PGD: variants seen among roughly 807,000 people sequenced by gnomAD.
The protein encoded by PGD is phosphogluconate dehydrogenase.
A neutral mutation model predicts 60.4 loss-of-function variants in PGD; 21 were observed. The ratio of observed to expected loss-of-function variants is 0.35; its 90% confidence interval spans 0.25 to 0.50. The LOEUF (loss-of-function observed/expected upper bound fraction) is 0.50. Among genes scored for constraint, PGD ranks in the 20% least tolerant of loss-of-function variants. The pLI, the probability that PGD is intolerant of heterozygous loss-of-function variation, is 0.98. For missense variants in PGD, 477 were observed against 613.1 expected (o/e 0.78, Z 2.34); for synonymous variants, 230 against 235.9 (o/e 0.97, Z 0.23).
At chr1:10,417,542 A>G (rs769434088) in intron 10 of PGD, 33 bp downstream of exon 10, 4 of 1,588,500 alleles carry the variant, frequency 2.5e-6, no homozygotes, top group Non-Finnish European at 3.4e-6. Context: ...TCCGACGGGA[A>G]GGACTCACAC....
At position 10,419,654 on chromosome 1, in the gene PGD, C is replaced by T. The variant is rs200600008; in HGVS notation, c.1357C>T (p.His453Tyr). 5 of 1,614,220 alleles carry T rather than the reference C, an allele frequency of 3.1e-6. No individual in the cohort carries two copies. The highest frequency in any genetic ancestry group is 4.2e-6 in the Non-Finnish European group (5 of 1,180,040). The change falls in exon 13 of 13, where the codon CAC (histidine) becomes TAC (tyrosine). Residue 453 changes from histidine (H) to tyrosine (Y), a missense_variant. Transcript: ENST00000270776. ...IQAQRDYFGA[H>Y]TYELLAKPGQ... ...GGCTCAGCGGGATTACTTCGGGGCT[C>T]ACACCTATGAACTCTTGGCCAAACC...
intron 5 of PGD, 121 bp from the exon 6 acceptor site, chr1:10,407,950 A>T: frequency 3.3e-6 from 1 of 305,268 alleles, no homozygotes; most frequent in Non-Finnish European, 6.3e-6. Flanking sequence ...CCCTGTCTCA[A>T]AAAAAAAAAA....
At chr1:10,418,577 C>A (rs1185708399) in intron 10 of PGD, among the ~76,000 whole-genome samples, 1 of 152,020 alleles carries the variant, frequency 6.6e-6, no homozygotes, top group Admixed American at 6.6e-5. Context: ...GAGATCCAGA[C>A]CATCCTGGCT....
Position 10,408,054 on chromosome 1 carries a change from A to G in PGD, c.450-17A>G, listed in dbSNP as rs1639436630. 1.9e-6 allele frequency: 3 copies of G among 1,545,820 alleles called. No homozygotes were observed. The highest frequency in any genetic ancestry group is 2.2e-5 in the East Asian group (1 of 44,554). On this transcript the variant is annotated splice_polypyrimidine_tract_variant and intron_variant, in intron 5 of 12. Coordinates refer to ENST00000270776, the MANE Select transcript of PGD (RefSeq NM_002631.4). ...CGTCTCTTCTCATTAACTGAACCAC[A>G]CTGTTTCTTTACACAGGCCCCACAT...
chr1:10,402,031 T>TAAATAAATAAATA (rs1639324483), intron 3 of PGD, among the ~76,000 whole-genome samples: 7 of 144,856 alleles, frequency 4.8e-5, no homozygotes, highest in African/African-American at 1.8e-4. Context: ...ATAAATAAAT[T>TAAATAAATAAATA]AATTAATTAA....
chr1:10,416,839 G>A lies in PGD; in HGVS notation c.845-148G>A, dbSNP rs916859143. On this transcript the variant is annotated intron_variant, in intron 8 of 12. Transcript: ENST00000270776. ...GGTGGAATGTCATCAGTAAAGGCAGGAACCAGCCATTTTCACTTCTTTTGT... is the reference window on the plus strand; with the variant it reads ...GGTGGAATGTCATCAGTAAAGGCAGAAACCAGCCATTTTCACTTCTTTTGT... 9 of 608,378 alleles carry A rather than the reference G, an allele frequency of 1.5e-5. No homozygotes were observed. The African/African-American group carries it at 1.7e-4, about 11-fold the overall frequency. 37.7% of individuals were successfully genotyped at this position (608,378 alleles called of 1,614,324 possible).
chr1:10,405,530 G>A (rs923444247), intron 5 of PGD, among the ~76,000 whole-genome samples: 2 of 146,814 alleles, frequency 1.4e-5, no homozygotes, highest in South Asian at 2.4e-4. Flanking sequence ...GTGAGCCACC[G>A]TGCCTGGTCT....
intron 11 of PGD, 42 bp downstream of exon 11, chr1:10,418,967 T>C: frequency 4.7e-6 from 5 of 1,070,350 alleles, no homozygotes; most frequent in Non-Finnish European, 7.1e-6. Flanking sequence ...TCTACCTCCC[T>C]GGGGCCATCA....
chr1:10,407,856 A>C (rs993370344), intron 5 of PGD, among the ~76,000 whole-genome samples: 15 of 151,806 alleles, frequency 9.9e-5, no homozygotes, highest in African/African-American at 3.4e-4. Flanking sequence ...CGAGGCAGGA[A>C]GATTACTTGA....
chr1:10,410,423 C>G (rs1303678342), intron 6 of PGD, among the ~76,000 whole-genome samples: 1 of 151,252 alleles, frequency 6.6e-6, no homozygotes, highest in Non-Finnish European at 1.5e-5. Context: ...GCCTGGGCGA[C>G]AGAGCGAGAC....
In PGD at chr1:10,417,477, C is replaced by G. The variant is rs187100654; in HGVS notation, c.1077C>G (p.Ala359=). 8.1e-6 allele frequency: 13 copies of G among 1,613,750 alleles called. No individual in the cohort carries two copies. In the Admixed American group the frequency reaches 1.5e-4, roughly 19 times the overall value. ...GGACTCTCAATTATGGTGGCATCGC[C>G]CTGATGTGGAGAGGGGGCTGCATCA... ...FGWTLNYGGI[A]LMWRGGCIIR... The change falls in exon 10 of 13, where the codon GCC becomes GCG. Residue 359 remains alanine (A), a synonymous_variant. Coordinates refer to ENST00000270776, the MANE Select transcript of PGD (RefSeq NM_002631.4).
intron 8 of PGD, among the ~76,000 whole-genome samples, chr1:10,414,168 C>T (rs1407483786): frequency 1.3e-5 from 2 of 152,142 alleles, no homozygotes; most frequent in African/African-American, 4.8e-5. Context: ...TTTGAGTCCT[C>T]GTTGTTTTGC....
At chr1:10,399,999 G>A in intron 2 of PGD, 1 of 529,964 alleles carries the variant, frequency 1.9e-6, no homozygotes, top group South Asian at 2.2e-5. Context: ...TGGCTGTGTA[G>A]AGCTCTAACT....
intron 2 of PGD, 39 bp downstream of exon 2, chr1:10,399,743 G>A (rs546773667): frequency 1.9e-6 from 3 of 1,588,120 alleles, no homozygotes; most frequent in South Asian, 1.1e-5. Context: ...TCTGGTTCCC[G>A]GGCGCTTTAG....
intron 2 of PGD, 149 bp downstream of exon 2, chr1:10,399,853 G>A (rs1245791040): frequency 2.9e-6 from 2 of 693,758 alleles, no homozygotes; most frequent in Non-Finnish European, 2.5e-6. Flanking sequence ...GAAAGGAGAA[G>A]CACCCTGTAG....
In PGD at chr1:10,416,991, A is replaced by G. The variant is rs752060519; in HGVS notation, c.849A>G (p.Glu283=). ...EYGVPVTLIG[E]AVFARCLSSL... ...CTTCCCGATCTCCCCATGTAGGAGAAGCTGTCTTTGCTCGGTGCTTATCAT... is the reference window on the plus strand; with the variant it reads ...CTTCCCGATCTCCCCATGTAGGAGAGGCTGTCTTTGCTCGGTGCTTATCAT... The change falls in exon 9 of 13, where the codon GAA becomes GAG. Residue 283 remains glutamate, a synonymous_variant. Transcript: ENST00000270776. The G allele has an allele frequency of 4.4e-5, 71 of 1,613,462 alleles. 2 individuals carry two copies. In the South Asian group the frequency reaches 7.0e-4, roughly 16 times the overall value.
intron 4 of PGD, among the ~76,000 whole-genome samples, chr1:10,403,846 G>A (rs1557759795): frequency 6.6e-6 from 1 of 152,162 alleles, no homozygotes. Flanking sequence ...ACTCTTCGTT[G>A]AGTCTTATTC....
In PGD at chr1:10,417,459, C is replaced by A; in HGVS notation, c.1059C>A (p.Leu353=). Residue 353 remains leucine, a synonymous_variant, in exon 10 of 13, where the codon CTC becomes CTA. Transcript: ENST00000270776. ...RQAATEFGWT[L]NYGGIALMWR... is the part of the protein sequence containing the mutation. ...CAGCCACCGAGTTTGGCTGGACTCT[C>A]AATTATGGTGGCATCGCCCTGATGT... The A allele has an allele frequency of 6.2e-7, 1 of 1,614,004 alleles. No homozygotes were observed. The highest frequency in any genetic ancestry group is 8.5e-7 in the Non-Finnish European group (1 of 1,179,962).
At chr1:10,407,960 A>G in intron 5 of PGD, 111 bp from the exon 6 acceptor site, 1 of 723,300 alleles carries the variant, frequency 1.4e-6, no homozygotes, top group Non-Finnish European at 2.5e-6. Context: ...AAAAAAAAAA[A>G]AAAGAAAGGA....
Sources: allele counts gnomAD v4.1 joint callset (sites outside exome capture counted in the v4.1 genomes callset), GRCh38; gene constraint gnomAD v4.1.1; transcripts MANE v1.5; gene names NCBI Gene and HGNC (gene_info 2026-07-23, HGNC 2026-07-21).